Variants in MCTP2 observed in about 807,000 individuals in gnomAD.
MCTP2 encodes multiple C2 and transmembrane domain-containing protein 2.
MCTP2 carries 132 observed loss-of-function variants against 111.6 expected under a neutral mutation model. The ratio of observed to expected loss-of-function variants is 1.18; its 90% CI spans 1.03 to 1.37. The LOEUF is 1.37. Among genes scored for constraint, MCTP2 ranks in the 40% most tolerant of loss-of-function variants. The pLI is 0.00. For synonymous variants in MCTP2, 395 were observed against 387.7 expected (o/e 1.02, Z -0.22); for missense variants, 1,183 against 1,067.9 (o/e 1.11, Z -1.50).
intron 12 of MCTP2, among the ~76,000 whole-genome samples, chr15:94,370,757 G>A (rs1444914027): frequency 6.6e-6 from 1 of 152,014 alleles, no homozygotes; most frequent in Non-Finnish European, 1.5e-5. Flanking sequence ...TGCACGTAGA[G>A]TAATCCAGAC....
chr15:94,432,111 C>T (rs779298742), intron 17 of MCTP2, among the ~76,000 whole-genome samples: 2 of 152,060 alleles, frequency 1.3e-5, no homozygotes, highest in Admixed American at 6.5e-5. Flanking sequence ...ATCAACTAGC[C>T]CTTCCTTGGA....
chr15:94,464,253 TATATTATA>T lies in MCTP2; in HGVS notation c.2360+6008_2360+6015del, dbSNP rs1275099511. ...TTTATATATATAATATATATATATA[TATATTATA>T]TATATATATATATATATAAACGTCA... On this transcript the variant is annotated intron_variant, in intron 20 of 22. Coordinates refer to ENST00000357742, the MANE Select transcript of MCTP2 (RefSeq NM_001385001.1). Among the ~76,000 whole-genome samples, 308 of 46,360 alleles carry T rather than the reference TATATTATA, an allele frequency of 6.6e-3. 25 individuals are homozygous for T. The highest frequency in any genetic ancestry group is 0.02 in the African/African-American group (243 of 12,090). 30.4% of individuals were successfully genotyped at this position (46,360 alleles called of 152,430 possible). A position where few individuals can be genotyped will look rare whatever the true frequency, so the allele number is the denominator to read the frequency against.
intron 1 of MCTP2, among the ~76,000 whole-genome samples, chr15:94,245,692 A>G (rs1450189368): frequency 6.9e-6 from 1 of 145,486 alleles, no homozygotes; most frequent in Non-Finnish European, 1.5e-5. Flanking sequence ...GTGTATACAT[A>G]TATAAATATA....
chr15:94,404,202 A>T (rs940911340), intron 17 of MCTP2, among the ~76,000 whole-genome samples: 3 of 152,080 alleles, frequency 2.0e-5, no homozygotes, highest in African/African-American at 7.2e-5. Context: ...TATTATGATT[A>T]TTCCAAAACC....
At position 94,298,542 on chromosome 15, in the gene MCTP2, A is replaced by T; in HGVS notation, c.277A>T (p.Ser93Cys). Residue 93 changes from serine (S) to cysteine (C), a missense_variant, in exon 2 of 23, where the codon AGT (serine) becomes TGT (cysteine). Coordinates refer to ENST00000357742, the MANE Select transcript of MCTP2 (RefSeq NM_001385001.1). Reference protein sequence around the residue: ...STAGIFPKSSSSSLKQSEEEL... With the variant: ...STAGIFPKSSCSSLKQSEEEL... ...TGCAGGGATCTTTCCCAAGAGCAGC[A>T]GTAGCTCCTTGAAACAGTCTGAAGA... 1 of 1,614,192 alleles carries T rather than the reference A, an allele frequency of 6.2e-7. No homozygotes were observed. The highest frequency in any genetic ancestry group is 8.5e-7 in the Non-Finnish European group (1 of 1,180,024).
chr15:94,355,041 G>A (rs1201233335), intron 8 of MCTP2, among the ~76,000 whole-genome samples: 5 of 152,174 alleles, frequency 3.3e-5, no homozygotes, highest in African/African-American at 7.2e-5. Context: ...AACGGACAAC[G>A]TAAATGAACT....
chr15:94,408,246 A>G (rs182322563), intron 17 of MCTP2, among the ~76,000 whole-genome samples: 8 of 152,298 alleles, frequency 5.3e-5, no homozygotes, highest in South Asian at 4.1e-4. Context: ...GATGCTCAAA[A>G]ATTAAAAGTA....
chr15:94,344,563 A>G (rs1341132260), intron 7 of MCTP2, among the ~76,000 whole-genome samples: 2 of 152,308 alleles, frequency 1.3e-5, no homozygotes, highest in African/African-American at 4.8e-5. Context: ...ACAGTGGTGA[A>G]GTTTCTTGCT....
intron 17 of MCTP2, among the ~76,000 whole-genome samples, chr15:94,432,403 C>T (rs988182977): frequency 1.3e-5 from 2 of 152,088 alleles, no homozygotes; most frequent in Admixed American, 6.5e-5. Context: ...GTACTTATGT[C>T]ATCTTAGGTG....
intron 17 of MCTP2, among the ~76,000 whole-genome samples, chr15:94,422,321 C>T (rs1359638643): frequency 1.3e-5 from 2 of 152,086 alleles, no homozygotes; most frequent in African/African-American, 4.8e-5. Context: ...TTGTGCGGGA[C>T]TCAGAAATAA....
At chr15:94,461,763 T>G (rs2085225565) in intron 20 of MCTP2, among the ~76,000 whole-genome samples, 1 of 151,896 alleles carries the variant, frequency 6.6e-6, no homozygotes, top group Admixed American at 6.6e-5. Context: ...GGCAAGCAGG[T>G]TAAGTGGTTG....
chr15:94,396,130 A>G (rs1018656950), intron 14 of MCTP2, among the ~76,000 whole-genome samples: 4 of 152,182 alleles, frequency 2.6e-5, no homozygotes, highest in African/African-American at 9.7e-5. Context: ...GGAAAACTGA[A>G]GTTAAAGACA....
chr15:94,277,096 G>A (rs191929194), intron 1 of MCTP2, among the ~76,000 whole-genome samples: 77 of 152,168 alleles, frequency 5.1e-4, no homozygotes, highest in Admixed American at 2.0e-3. Flanking sequence ...TCAAGAAGAT[G>A]GTTGGAATTA....
At chr15:94,332,095 T>C (rs1417054817) in intron 4 of MCTP2, among the ~76,000 whole-genome samples, 1 of 152,176 alleles carries the variant, frequency 6.6e-6, no homozygotes, top group East Asian at 1.9e-4. Context: ...GATTTTTCTC[T>C]GCATGGGAGA....
At chr15:94,441,133 A>G (rs1019563634) in intron 18 of MCTP2, among the ~76,000 whole-genome samples, 1 of 152,172 alleles carries the variant, frequency 6.6e-6, no homozygotes, top group African/African-American at 2.4e-5. Context: ...CCAAGAGTCA[A>G]TCAAACCCTG....
intron 5 of MCTP2, 43 bp from the exon 6 acceptor site, chr15:94,340,156 T>G: frequency 7.3e-7 from 1 of 1,372,400 alleles, no homozygotes; most frequent in African/African-American, 1.4e-5. Context: ...ACTCAGTTGG[T>G]TTACCATAAT....
At chr15:94,287,070 A>C (rs779116511) in intron 1 of MCTP2, among the ~76,000 whole-genome samples, 15 of 152,218 alleles carry the variant, frequency 9.9e-5, no homozygotes, top group Admixed American at 1.3e-4. Context: ...GAGGAAGCAA[A>C]CAATATAATA....
At chr15:94,449,990 TC>T (rs890886812) in intron 19 of MCTP2, among the ~76,000 whole-genome samples, 2 of 152,192 alleles carry the variant, frequency 1.3e-5, no homozygotes, top group African/African-American at 4.8e-5. Context: ...AATATTTTTT[TC>T]CCTAATCTGT....
At chr15:94,409,347 G>C (rs549196132) in intron 17 of MCTP2, among the ~76,000 whole-genome samples, 1 of 152,214 alleles carries the variant, frequency 6.6e-6, no homozygotes, top group Admixed American at 6.5e-5. Flanking sequence ...ATGGCCTATT[G>C]TGGGACCTTG....
Sources: allele counts gnomAD v4.1 joint callset (sites outside exome capture counted in the v4.1 genomes callset), GRCh38; gene constraint gnomAD v4.1.1; transcripts MANE v1.5; gene names NCBI Gene and HGNC (gene_info 2026-07-23, HGNC 2026-07-21).